Variants in LRMDA observed in about 807,000 individuals in gnomAD.
LRMDA encodes the protein leucine rich melanocyte differentiation associated, also known as leucine-rich melanocyte differentiation-associated protein.
Under a neutral mutation model 29.8 loss-of-function variants are expected in LRMDA, and 18 were observed. The ratio of observed to expected loss-of-function variants is 0.60; its 90% confidence interval spans 0.42 to 0.90. The LOEUF is 0.90. LRMDA is among the 40% of genes least tolerant of loss of function. The probability of loss-of-function intolerance (pLI) is 0.00; values close to 1 mark genes in which losing one functional copy is unlikely to be tolerated. For missense variants in LRMDA, 273 were observed against 273.9 expected (o/e 1.00, Z 0.02); for synonymous variants, 125 against 109.4 (o/e 1.14, Z -0.89).
At chr10:75,774,814 C>A (rs978077290) in intron 2 of LRMDA, among the ~76,000 whole-genome samples, 2 of 152,138 alleles carry the variant, frequency 1.3e-5, no homozygotes, top group African/African-American at 4.8e-5. Context: ...TTCCCAGATC[C>A]TTGAGGGCAG....
chr10:75,573,678 A>C (rs1006777345), intron 2 of LRMDA, among the ~76,000 whole-genome samples: 3 of 152,092 alleles, frequency 2.0e-5, no homozygotes, highest in African/African-American at 4.8e-5. Context: ...AATGGTTCCT[A>C]TGCCTTTTTA....
chr10:75,613,494 C>T (rs1026760329), intron 2 of LRMDA, among the ~76,000 whole-genome samples: 10 of 152,176 alleles, frequency 6.6e-5, no homozygotes, highest in African/African-American at 2.4e-4. Flanking sequence ...ATCTGCACAT[C>T]ACTCTCGCTT....
intron 5 of LRMDA, among the ~76,000 whole-genome samples, chr10:76,071,864 G>T (rs1290372873): frequency 1.3e-5 from 2 of 152,200 alleles, no homozygotes; most frequent in Non-Finnish European, 2.9e-5. Context: ...GATTTAAACT[G>T]CTACTTTTCT....
At chr10:76,078,164 C>T (rs562388944) in intron 5 of LRMDA, among the ~76,000 whole-genome samples, 89 of 151,724 alleles carry the variant, frequency 5.9e-4, no homozygotes, top group Admixed American at 1.6e-3. Context: ...GCGTCCACCA[C>T]GAGTCCGGCT....
chr10:75,502,249 G>T lies in LRMDA; in HGVS notation c.131+63755G>T, dbSNP rs545892744. Among the ~76,000 whole-genome samples the T allele has an allele frequency of 8.5e-5, 13 of 152,290 alleles. No homozygotes were observed. The South Asian group carries it at 2.7e-3, about 32-fold the overall frequency. ...GCTGGGAAATTAAGTCCAACTGCGTGCCCAGGAAGCTGAGGAGGACAGCAG... is the reference window on the plus strand; with the variant it reads ...GCTGGGAAATTAAGTCCAACTGCGTTCCCAGGAAGCTGAGGAGGACAGCAG... On this transcript the variant is annotated intron_variant, in intron 2 of 6. Coordinates refer to ENST00000611255, the MANE Select transcript of LRMDA (RefSeq NM_001305581.2).
chr10:75,491,836 G>A (rs953578488), intron 2 of LRMDA, among the ~76,000 whole-genome samples: 2 of 152,042 alleles, frequency 1.3e-5, no homozygotes, highest in African/African-American at 4.8e-5. Flanking sequence ...TTTCAAGATG[G>A]GAAACTCCTT....
At chr10:76,493,773 A>G (rs1177831070) in intron 6 of LRMDA, among the ~76,000 whole-genome samples, 4 of 152,216 alleles carry the variant, frequency 2.6e-5, no homozygotes, top group African/African-American at 9.6e-5. Flanking sequence ...TGTCTAAAAA[A>G]AATCCTGCTA....
chr10:76,261,484 T>TAA (rs371742506), intron 5 of LRMDA, among the ~76,000 whole-genome samples: 130 of 149,476 alleles, frequency 8.7e-4, no homozygotes, highest in African/African-American at 3.1e-3. Flanking sequence ...GCACTGGTTC[T>TAA]AAAAAAAAAA....
At chr10:75,888,158 T>C (rs1845422288) in intron 2 of LRMDA, among the ~76,000 whole-genome samples, 1 of 152,130 alleles carries the variant, frequency 6.6e-6, no homozygotes, top group Admixed American at 6.5e-5. Flanking sequence ...CTGAAGAATA[T>C]GACCAAAGGC....
chr10:76,311,602 C>T (rs571325607), intron 5 of LRMDA, among the ~76,000 whole-genome samples: 95 of 152,286 alleles, frequency 6.2e-4, no homozygotes, highest in Non-Finnish European at 1.1e-3. Context: ...CCCTTTAATA[C>T]CATGTTCATT....
chr10:76,049,998 G>A (rs1271910505), intron 4 of LRMDA, among the ~76,000 whole-genome samples: 1 of 152,198 alleles, frequency 6.6e-6, no homozygotes, highest in Non-Finnish European at 1.5e-5. Context: ...TTAAAGGAGT[G>A]TATTCAGAAG....
At chr10:76,447,605 A>G (rs1842366094) in intron 6 of LRMDA, among the ~76,000 whole-genome samples, 1 of 152,176 alleles carries the variant, frequency 6.6e-6, no homozygotes, top group Non-Finnish European at 1.5e-5. Flanking sequence ...TATTGGGGAT[A>G]TTGCAGATCC....
At chr10:75,630,062 T>C (rs1167723609) in intron 2 of LRMDA, among the ~76,000 whole-genome samples, 1 of 152,250 alleles carries the variant, frequency 6.6e-6, no homozygotes, top group Admixed American at 6.5e-5. Context: ...TTAGGAGCCT[T>C]TTAAACAAAG....
At chr10:76,132,486 C>T (rs774799355) in intron 5 of LRMDA, among the ~76,000 whole-genome samples, 6 of 152,078 alleles carry the variant, frequency 3.9e-5, no homozygotes, top group Non-Finnish European at 7.3e-5. Context: ...TAAGGCACAG[C>T]AAGATGATGT....
At chr10:76,280,815 A>T (rs192269085) in intron 5 of LRMDA, among the ~76,000 whole-genome samples, 12 of 133,342 alleles carry the variant, frequency 9.0e-5, no homozygotes, top group African/African-American at 4.6e-4. Context: ...AATGTGCCTT[A>T]AAAAAAAAGG....
intron 6 of LRMDA, among the ~76,000 whole-genome samples, chr10:76,525,384 A>G (rs780126124): frequency 1.1e-4 from 17 of 152,226 alleles, no homozygotes; most frequent in Non-Finnish European, 2.2e-4. Flanking sequence ...ATGACATCTC[A>G]CCCACTACTG....
At chr10:76,320,814 T>C (rs943123472) in intron 5 of LRMDA, among the ~76,000 whole-genome samples, 4 of 152,226 alleles carry the variant, frequency 2.6e-5, no homozygotes, top group Non-Finnish European at 5.9e-5. Flanking sequence ...GCCCCAGTCC[T>C]ACTACACTGC....
intron 4 of LRMDA, among the ~76,000 whole-genome samples, chr10:76,055,024 A>C (rs1316099436): frequency 7.4e-6 from 1 of 135,724 alleles, no homozygotes; most frequent in Non-Finnish European, 1.5e-5. Context: ...AGATCATGCC[A>C]CTGCTCTCCA....
intron 2 of LRMDA, among the ~76,000 whole-genome samples, chr10:75,684,798 A>G (rs2132155584): frequency 6.6e-6 from 1 of 152,344 alleles, no homozygotes; most frequent in Admixed American, 6.5e-5. Context: ...ATCCCTTGCC[A>G]GGAACACATA....
Sources: gnomAD v4.1 joint callset for allele counts (sites outside exome capture counted in the v4.1 genomes callset) on GRCh38, gnomAD v4.1.1 for gene constraint, MANE v1.5 for transcripts, NCBI Gene and HGNC (gene_info 2026-07-23, HGNC 2026-07-21) for gene names.